Variants in EPHA5 observed in about 807,000 individuals in gnomAD.
EPHA5 encodes EPH receptor A5.
A neutral mutation model predicts 105.0 loss-of-function variants in EPHA5; 60 were observed. The ratio of observed to expected loss-of-function variants is 0.57; its 90% CI spans 0.46 to 0.71. The LOEUF (loss-of-function observed/expected upper bound fraction) is 0.71. EPHA5 is among the 30% of genes least tolerant of loss of function. EPHA5 has a pLI of 0.00. For missense variants in EPHA5, 1,218 were observed against 1,274.7 expected, an observed-to-expected ratio of 0.96 and a Z score of 0.68; for synonymous variants, 513 against 449.1, an observed-to-expected ratio of 1.14 and a Z score of -1.80.
chr4:65,355,083 C>G (rs1384789634), intron 11 of EPHA5, among the ~76,000 whole-genome samples: 3 of 151,668 alleles, frequency 2.0e-5, no homozygotes, highest in Non-Finnish European at 4.4e-5. Flanking sequence ...TTAATCTGCA[C>G]CTTGAAGAGT....
At chr4:65,606,209 T>C (rs1205733821) in intron 2 of EPHA5, among the ~76,000 whole-genome samples, 2 of 152,118 alleles carry the variant, frequency 1.3e-5, no homozygotes, top group African/African-American at 4.8e-5. Flanking sequence ...AACCCCAATA[T>C]GAGGGAGAGG....
chr4:65,327,620 G>A lies in EPHA5; in HGVS notation c.2946-3401C>T, dbSNP rs1232266045. On this transcript the variant is annotated intron_variant, in intron 16 of 16. Coordinates refer to ENST00000613740, the MANE Select transcript of EPHA5 (RefSeq NM_001281766.3). ...CTATAATAATGCATGCAACGTACAT[G>A]TACCTTTATACATGTGATTTTCAGT... Among the ~76,000 whole-genome samples, 6 of 151,338 alleles carry A rather than the reference G, an allele frequency of 4.0e-5. No homozygotes were observed. The East Asian group carries it at 9.8e-4, about 25-fold the overall frequency.
Position 65,589,773 on chromosome 4 carries a change from T to C in EPHA5, c.910+11868A>G, listed in dbSNP as rs528351206. Among the ~76,000 whole-genome samples, 13 of 152,220 alleles carry C rather than the reference T, an allele frequency of 8.5e-5. No homozygotes were observed. The South Asian group carries it at 2.5e-3, about 29-fold the overall frequency. ...GGAACAGGTGAATATTAAAAAATCA[T>C]CCACAGGACCAAGTAATTATGTTGC... On this transcript the variant is annotated intron_variant, in intron 3 of 16. Transcript: ENST00000613740.
At chr4:65,327,860 T>C (rs1460323441) in intron 16 of EPHA5, among the ~76,000 whole-genome samples, 1 of 151,200 alleles carries the variant, frequency 6.6e-6, no homozygotes. Flanking sequence ...CTCACATTTC[T>C]TATTTCCAAT....
intron 1 of EPHA5, among the ~76,000 whole-genome samples, chr4:65,653,944 G>C (rs1001989358): frequency 6.6e-6 from 1 of 151,872 alleles, no homozygotes; most frequent in Non-Finnish European, 1.5e-5. Context: ...GTTATCTTAG[G>C]CTCCCTTGAA....
chr4:65,464,027 G>C (rs1412301908), intron 5 of EPHA5, among the ~76,000 whole-genome samples: 1 of 151,596 alleles, frequency 6.6e-6, no homozygotes, highest in African/African-American at 2.4e-5. Context: ...TAAATATTAA[G>C]ACTACAACAA....
intron 2 of EPHA5, among the ~76,000 whole-genome samples, chr4:65,635,475 G>T (rs1747035043): frequency 6.6e-6 from 1 of 152,066 alleles, no homozygotes; most frequent in South Asian, 2.1e-4. Flanking sequence ...GATGCTCAGG[G>T]GAATGTAGTG....
chr4:65,593,953 T>C (rs144462136), intron 3 of EPHA5, among the ~76,000 whole-genome samples: 316 of 152,320 alleles, frequency 2.1e-3, no homozygotes, highest in Middle Eastern at 6.8e-3. Context: ...TGAAAACTGA[T>C]ACTGAAATAT....
At chr4:65,644,450 G>GT (rs899261901) in intron 1 of EPHA5, among the ~76,000 whole-genome samples, 1 of 151,968 alleles carries the variant, frequency 6.6e-6, no homozygotes, top group Non-Finnish European at 1.5e-5. Flanking sequence ...AGGGAAACAC[G>GT]TGAGTTATTC....
chr4:65,496,224 C>T (rs985301727), intron 3 of EPHA5, among the ~76,000 whole-genome samples: 4 of 151,942 alleles, frequency 2.6e-5, no homozygotes, highest in African/African-American at 9.7e-5. Flanking sequence ...TAAGTTCAAA[C>T]ATTATGTCTT....
intron 9 of EPHA5, among the ~76,000 whole-genome samples, chr4:65,366,885 T>A (rs1717959432): frequency 6.6e-6 from 1 of 151,850 alleles, no homozygotes; most frequent in Non-Finnish European, 1.5e-5. Context: ...CATTATTTTT[T>A]AAAGCAAGGT....
chr4:65,480,570 T>G (rs1407163773), intron 5 of EPHA5, among the ~76,000 whole-genome samples: 1 of 152,186 alleles, frequency 6.6e-6, no homozygotes, highest in African/African-American at 2.4e-5. Flanking sequence ...GTAGAAATAC[T>G]GATGATTTCT....
At chr4:65,632,535 CAAAA>C (rs35050180) in intron 2 of EPHA5, among the ~76,000 whole-genome samples, 1 of 125,882 alleles carries the variant, frequency 7.9e-6, no homozygotes. Context: ...CAATTTTCAG[CAAAA>C]AAAAAAAAAA....
intron 7 of EPHA5, among the ~76,000 whole-genome samples, chr4:65,405,518 T>G (rs1254803067): frequency 6.6e-6 from 1 of 152,306 alleles, no homozygotes; most frequent in Non-Finnish European, 1.5e-5. Flanking sequence ...CCTCCCTTTC[T>G]ATTTTAGTCA....
chr4:65,338,182 A>T (rs750051278), intron 14 of EPHA5, among the ~76,000 whole-genome samples: 2 of 152,164 alleles, frequency 1.3e-5, no homozygotes, highest in Non-Finnish European at 2.9e-5. Context: ...TGATCAAATA[A>T]AGAAATATTT....
intron 1 of EPHA5, among the ~76,000 whole-genome samples, chr4:65,648,909 C>T (rs1295483980): frequency 6.6e-6 from 1 of 152,102 alleles, no homozygotes; most frequent in East Asian, 1.9e-4. Flanking sequence ...GAACAGTTTA[C>T]AAAATGAGTG....
At chr4:65,632,328 C>G (rs1746714764) in intron 2 of EPHA5, among the ~76,000 whole-genome samples, 1 of 151,978 alleles carries the variant, frequency 6.6e-6, no homozygotes, top group African/African-American at 2.4e-5. Flanking sequence ...TTTCACAACT[C>G]TAGGAGACAT....
chr4:65,534,420 C>T (rs1736104632), intron 3 of EPHA5, among the ~76,000 whole-genome samples: 1 of 152,124 alleles, frequency 6.6e-6, no homozygotes, highest in Non-Finnish European at 1.5e-5. Context: ...TTTCCTCTTT[C>T]TATTGAATCT....
At chr4:65,629,225 A>G (rs895743443) in intron 2 of EPHA5, among the ~76,000 whole-genome samples, 1 of 152,184 alleles carries the variant, frequency 6.6e-6, no homozygotes, top group African/African-American at 2.4e-5. Context: ...GCTAGAGCCA[A>G]TGTTAGATGC....
Sources: gnomAD v4.1 joint callset for allele counts (sites outside exome capture counted in the v4.1 genomes callset) on GRCh38, gnomAD v4.1.1 for gene constraint, MANE v1.5 for transcripts, NCBI Gene and HGNC (gene_info 2026-07-23, HGNC 2026-07-21) for gene names.